Variants in MAST4 observed in about 807,000 individuals in gnomAD.
MAST4 encodes the protein microtubule associated serine/threonine kinase family member 4.
MAST4 carries 89 observed loss-of-function variants against 162.7 expected under a neutral mutation model. That is an observed-to-expected ratio of 0.55 (90% CI 0.46 to 0.65). The LOEUF is 0.65. Among genes scored for constraint, MAST4 ranks in the 30% least tolerant of loss-of-function variants. MAST4 has a pLI of 0.00. For synonymous variants in MAST4, 1,479 were observed against 1,361.1 expected (o/e 1.09, Z -1.91); for missense variants, 3,153 against 3,374.0 (o/e 0.93, Z 1.62).
At chr5:67,072,595 T>G (rs536291130) in intron 5 of MAST4, among the ~76,000 whole-genome samples, 22 of 152,354 alleles carry the variant, frequency 1.4e-4, no homozygotes, top group African/African-American at 5.1e-4. Flanking sequence ...GTTATATTCA[T>G]ATGACATAAA....
rs577832445 is a variant in MAST4 at position 66,641,252 on chromosome 5, A to C, written c.363+44234A>C. On this transcript the variant is annotated intron_variant, in intron 1 of 28. Coordinates refer to ENST00000403625, the MANE Select transcript of MAST4 (RefSeq NM_001164664.2). ...ATTGCAACTTTGCCTCATGGGTACAAGCAATTCTTGTGCCTCAGCCTCCTG... is the reference window on the plus strand; with the variant it reads ...ATTGCAACTTTGCCTCATGGGTACACGCAATTCTTGTGCCTCAGCCTCCTG... 3.5e-3 allele frequency among the ~76,000 whole-genome samples: 527 copies of C among 152,236 alleles called. 3 individuals carry two copies. Among genetic ancestry groups the C allele is most frequent in the African/African-American group, 0.012 (495 of 41,532 alleles).
chr5:66,810,836 G>T (rs1404705991), intron 3 of MAST4, among the ~76,000 whole-genome samples: 1 of 152,178 alleles, frequency 6.6e-6, no homozygotes, highest in Non-Finnish European at 1.5e-5. Context: ...CCATACTTGT[G>T]GCTGAACTTG....
At chr5:66,994,630 T>A (rs1750426449) in intron 4 of MAST4, among the ~76,000 whole-genome samples, 1 of 152,216 alleles carries the variant, frequency 6.6e-6, no homozygotes, top group African/African-American at 2.4e-5. Context: ...GTACATTGAA[T>A]ACAAGAATAT....
intron 1 of MAST4, among the ~76,000 whole-genome samples, chr5:66,651,528 G>T (rs1354712243): frequency 2.0e-5 from 3 of 152,044 alleles, no homozygotes; most frequent in African/African-American, 7.2e-5. Context: ...AATAGTGATT[G>T]TTACCATTGG....
At chr5:66,997,162 A>G (rs557123909) in intron 4 of MAST4, among the ~76,000 whole-genome samples, 11 of 152,000 alleles carry the variant, frequency 7.2e-5, no homozygotes, top group Non-Finnish European at 1.6e-4. Context: ...ATCTATGTAT[A>G]TATTATATGT....
intron 1 of MAST4, among the ~76,000 whole-genome samples, chr5:66,695,689 A>C (rs1301880138): frequency 6.6e-6 from 1 of 152,170 alleles, no homozygotes; most frequent in Non-Finnish European, 1.5e-5. Flanking sequence ...TGATTTTAAA[A>C]AGTGAAGAAA....
intron 8 of MAST4, 144 bp from the exon 9 acceptor site, chr5:67,102,392 A>G: frequency 1.3e-6 from 1 of 747,026 alleles, no homozygotes; most frequent in Admixed American, 2.0e-5. Context: ...TGTACTAATG[A>G]CTGATTTTGT....
chr5:67,078,071 C>T (rs1761891208), intron 5 of MAST4, among the ~76,000 whole-genome samples: 1 of 152,004 alleles, frequency 6.6e-6, no homozygotes, highest in Non-Finnish European at 1.5e-5. Context: ...TGCACTCCAG[C>T]CTGGGCAACG....
At chr5:66,847,565 G>T (rs1388799011) in intron 3 of MAST4, among the ~76,000 whole-genome samples, 1 of 152,080 alleles carries the variant, frequency 6.6e-6, no homozygotes, top group Non-Finnish European at 1.5e-5. Flanking sequence ...AACCCAGGAG[G>T]CAGAGGTTGC....
At chr5:66,646,046 T>C (rs983464262) in intron 1 of MAST4, among the ~76,000 whole-genome samples, 2 of 152,164 alleles carry the variant, frequency 1.3e-5, no homozygotes, top group Non-Finnish European at 2.9e-5. Context: ...GGAATTGAGA[T>C]TGAGAGGATA....
At chr5:66,914,968 A>T (rs1360742120) in intron 4 of MAST4, among the ~76,000 whole-genome samples, 1 of 152,122 alleles carries the variant, frequency 6.6e-6, no homozygotes, top group African/African-American at 2.4e-5. Flanking sequence ...CGAGAATCAG[A>T]AAAGAAGGTA....
intron 4 of MAST4, among the ~76,000 whole-genome samples, chr5:67,007,277 T>C (rs1420267995): frequency 6.6e-6 from 1 of 152,216 alleles, no homozygotes; most frequent in African/African-American, 2.4e-5. Flanking sequence ...AGTCTAATGC[T>C]GTACCTTACC....
At chr5:67,051,723 A>G (rs1758205308) in intron 4 of MAST4, among the ~76,000 whole-genome samples, 1 of 152,182 alleles carries the variant, frequency 6.6e-6, no homozygotes, top group Admixed American at 6.5e-5. Context: ...GTATTTGGGA[A>G]TGAAATGCTG....
chr5:66,925,021 A>G lies in MAST4; in HGVS notation c.674+25039A>G, dbSNP rs568379133. 1.3e-4 allele frequency among the ~76,000 whole-genome samples: 20 copies of G among 152,356 alleles called. 1 individual carries two copies. The South Asian group carries it at 3.9e-3, about 30-fold the overall frequency. ...ATAGAAAAATACAGAAATGTGAAGA[A>G]TAAGATAGTTTTTACCCATAATCTA... On this transcript the variant is annotated intron_variant, in intron 4 of 28. Transcript: ENST00000403625.
At chr5:66,750,306 A>G (rs1753054546) in intron 1 of MAST4, among the ~76,000 whole-genome samples, 1 of 152,236 alleles carries the variant, frequency 6.6e-6, no homozygotes, top group Admixed American at 6.5e-5. Context: ...AAGATGGCCG[A>G]ATAGGAACAG....
intron 3 of MAST4, among the ~76,000 whole-genome samples, chr5:66,846,097 A>G (rs1182707749): frequency 2.6e-5 from 4 of 152,182 alleles, no homozygotes; most frequent in Non-Finnish European, 5.9e-5. Flanking sequence ...TAGTGAATTC[A>G]TAGAATTAAT....
At chr5:67,112,512 C>A (rs1043559225) in intron 11 of MAST4, among the ~76,000 whole-genome samples, 1 of 152,230 alleles carries the variant, frequency 6.6e-6, no homozygotes, top group African/African-American at 2.4e-5. Flanking sequence ...CACCGTCTGG[C>A]TGTAAACCAA....
intron 1 of MAST4, among the ~76,000 whole-genome samples, chr5:66,729,552 C>A (rs190393262): frequency 7.8e-4 from 118 of 152,220 alleles, no homozygotes; most frequent in African/African-American, 2.7e-3. Flanking sequence ...TTTAATCATT[C>A]TCTATTGATT....
At chr5:66,677,141 A>G (rs1748002739) in intron 1 of MAST4, among the ~76,000 whole-genome samples, 1 of 152,228 alleles carries the variant, frequency 6.6e-6, no homozygotes, top group Admixed American at 6.5e-5. Context: ...TAAAAGTTTT[A>G]AAAGTGGTAT....
Sources: gnomAD v4.1 joint callset for allele counts (sites outside exome capture counted in the v4.1 genomes callset) on GRCh38, gnomAD v4.1.1 for gene constraint, MANE v1.5 for transcripts, NCBI Gene and HGNC (gene_info 2026-07-23, HGNC 2026-07-21) for gene names.